Variants in CACNA2D1 observed in about 807,000 individuals in gnomAD.
The protein encoded by CACNA2D1 is voltage-dependent calcium channel subunit alpha-2/delta-1.
CACNA2D1 carries 53 observed loss-of-function variants against 171.5 expected under a neutral mutation model. The observed-to-expected ratio is 0.31, with a 90% CI of 0.25 to 0.39. The LOEUF (loss-of-function observed/expected upper bound fraction) is 0.39. CACNA2D1 is among the 10% of genes least tolerant of loss of function. CACNA2D1 has a pLI of 1.00. For missense variants in CACNA2D1, 903 were observed against 1,299.8 expected, an observed-to-expected ratio of 0.69 and a Z score of 4.69; for synonymous variants, 442 against 443.1, an observed-to-expected ratio of 1.00 and a Z score of 0.03.
intron 3 of CACNA2D1, among the ~76,000 whole-genome samples, chr7:82,206,692 T>C (rs1800032166): frequency 1.3e-5 from 2 of 152,226 alleles, no homozygotes; most frequent in South Asian, 2.1e-4. Context: ...TAGTAAAATA[T>C]AATAGCAGGA....
In CACNA2D1 at chr7:82,363,254, C is replaced by CTTTTTT. The variant is rs35419275; in HGVS notation, c.96-13611_96-13606dup. On this transcript the variant is annotated intron_variant, in intron 1 of 38. Transcript: ENST00000356860. ...CTACCATAGTTTTATTTATTTGTCT[C>CTTTTTT]TTTTTTTTTTTTTTTTTTTTTTTTT... 1.0e-3 allele frequency among the ~76,000 whole-genome samples: 65 copies of CTTTTTT among 63,436 alleles called. 7 individuals carry two copies. The highest frequency in any genetic ancestry group is 3.4e-3 in the African/African-American group (41 of 11,948). The allele number at this position is 63,436 out of a possible 152,430, so 41.6% of individuals were successfully genotyped here.
At chr7:82,189,758 A>T (rs1278655930) in intron 3 of CACNA2D1, among the ~76,000 whole-genome samples, 1 of 151,890 alleles carries the variant, frequency 6.6e-6, no homozygotes, top group African/African-American at 2.4e-5. Context: ...GGACAAAAAA[A>T]TTTGTGTAAG....
Position 82,366,874 on chromosome 7 carries a change from C to A in CACNA2D1, c.96-17225G>T, listed in dbSNP as rs1354952339. On this transcript the variant is annotated intron_variant, in intron 1 of 38. Transcript: ENST00000356860. ...ATGTATAAGTGGCCCCTTTCCTCCA[C>A]AGCCCTGCCAGCATCCACTGGTTTT... 2.1e-5 allele frequency among the ~76,000 whole-genome samples: 3 copies of A among 145,842 alleles called. No individual in the cohort carries two copies. The Admixed American group carries it at 2.1e-4, about 10-fold the overall frequency.
At chr7:82,047,724 T>A (rs1804715140) in intron 10 of CACNA2D1, among the ~76,000 whole-genome samples, 1 of 151,810 alleles carries the variant, frequency 6.6e-6, no homozygotes, top group South Asian at 2.1e-4. Flanking sequence ...CTCTCTATAC[T>A]CAAAGAAGCG....
intron 3 of CACNA2D1, among the ~76,000 whole-genome samples, chr7:82,172,841 A>AG (rs1310896820): frequency 7.2e-6 from 1 of 139,582 alleles, no homozygotes; most frequent in Non-Finnish European, 1.5e-5. Context: ...GTATGGGCAA[A>AG]AAAAAAATTC....
intron 3 of CACNA2D1, among the ~76,000 whole-genome samples, chr7:82,298,586 T>C (rs1005930353): frequency 8.6e-5 from 13 of 151,980 alleles, no homozygotes; most frequent in Non-Finnish European, 1.9e-4. Context: ...CTTTTTTTTT[T>C]TTTTAAGAGA....
intron 1 of CACNA2D1, among the ~76,000 whole-genome samples, chr7:82,433,798 G>A (rs1006415034): frequency 5.9e-5 from 9 of 152,212 alleles, no homozygotes; most frequent in African/African-American, 2.2e-4. Flanking sequence ...CCCTATCCAG[G>A]GTAATAGCAA....
chr7:82,301,990 C>T (rs1813067847), intron 3 of CACNA2D1, among the ~76,000 whole-genome samples: 1 of 151,950 alleles, frequency 6.6e-6, no homozygotes, highest in Admixed American at 6.6e-5. Flanking sequence ...GAACTCCTGA[C>T]CTCAGGTAAT....
At chr7:82,375,342 T>C (rs1385753814) in intron 1 of CACNA2D1, among the ~76,000 whole-genome samples, 1 of 152,190 alleles carries the variant, frequency 6.6e-6, no homozygotes. Context: ...TCATGGCTTA[T>C]TCCTGGGCTT....
intron 3 of CACNA2D1, among the ~76,000 whole-genome samples, chr7:82,207,160 T>G (rs1442497909): frequency 6.6e-6 from 1 of 152,138 alleles, no homozygotes; most frequent in Non-Finnish European, 1.5e-5. Flanking sequence ...CCCTCACATA[T>G]TTTCAAAAAC....
At position 81,994,903 on chromosome 7, in the gene CACNA2D1, T is replaced by C; in HGVS notation, c.1699A>G (p.Lys567Glu). 1 of 1,542,646 alleles carries C rather than the reference T, an allele frequency of 6.5e-7. No individual in the cohort carries two copies. Among genetic ancestry groups the C allele is most frequent in the Non-Finnish European group, 9.0e-7 (1 of 1,115,226 alleles). ...GATTTAACCAGAGTTCTGAATGTTT[T>C]TTCTCCACTTTCCCCATCAATCATC... ...NKMIDGESGE[K>E]TFRTLVKSQD... The change falls in exon 20 of 39, where the codon AAA (lysine) becomes GAA (glutamate). Residue 567 changes from lysine to glutamate, a missense_variant. Lys to Glu is a moderately conservative substitution (Grantham distance 56). Around this residue, in one of 5 missense-constraint regions of CACNA2D1, gnomAD observed 623 missense variants for 925.5 expected, o/e 0.67. Transcript: ENST00000356860.
intron 7 of CACNA2D1, among the ~76,000 whole-genome samples, chr7:82,078,307 G>A (rs530351946): frequency 1.3e-5 from 2 of 152,150 alleles, no homozygotes; most frequent in Admixed American, 1.3e-4. Context: ...AAAAGAGTAA[G>A]TGCTGGCTAC....
chr7:82,141,151 T>C (rs1792337475), intron 4 of CACNA2D1, among the ~76,000 whole-genome samples: 1 of 152,086 alleles, frequency 6.6e-6, no homozygotes, highest in Non-Finnish European at 1.5e-5. Flanking sequence ...TATTAAGATA[T>C]GTCCAGCTAT....
At chr7:82,172,554 G>A (rs1162101332) in intron 3 of CACNA2D1, among the ~76,000 whole-genome samples, 3 of 149,104 alleles carry the variant, frequency 2.0e-5, no homozygotes, top group Middle Eastern at 3.4e-3. Context: ...CTGGGCTCAA[G>A]TGATCCTCCC....
chr7:81,986,757 A>G (rs914200774), intron 21 of CACNA2D1, among the ~76,000 whole-genome samples: 1 of 152,168 alleles, frequency 6.6e-6, no homozygotes, highest in Non-Finnish European at 1.5e-5. Flanking sequence ...TATTCATTTT[A>G]TAGGTAACTT....
chr7:82,137,402 G>C (rs547395561), intron 4 of CACNA2D1, among the ~76,000 whole-genome samples: 1 of 152,120 alleles, frequency 6.6e-6, no homozygotes, highest in Admixed American at 6.5e-5. Flanking sequence ...CCTATTCTTT[G>C]TGTCTCTGAG....
At chr7:82,141,137 T>C (rs1252045183) in intron 4 of CACNA2D1, among the ~76,000 whole-genome samples, 1 of 152,056 alleles carries the variant, frequency 6.6e-6, no homozygotes, top group East Asian at 1.9e-4. Flanking sequence ...TATTTAGAAA[T>C]ATATATTAAG....
At chr7:82,052,885 T>C (rs1330749114) in intron 10 of CACNA2D1, among the ~76,000 whole-genome samples, 1 of 152,192 alleles carries the variant, frequency 6.6e-6, no homozygotes, top group Non-Finnish European at 1.5e-5. Context: ...TTAAGAATAG[T>C]AGTATTATCA....
intron 1 of CACNA2D1, among the ~76,000 whole-genome samples, chr7:82,411,119 A>G (rs1431657864): frequency 6.6e-6 from 1 of 152,184 alleles, no homozygotes; most frequent in Non-Finnish European, 1.5e-5. Flanking sequence ...ACTAGCCTAG[A>G]GAAAGTGAAA....
Sources: gnomAD v4.1 joint callset for allele counts (sites outside exome capture counted in the v4.1 genomes callset) on GRCh38, gnomAD v4.1.1 for gene constraint, gnomAD v4.1.1 regional missense constraint, MANE v1.5 for transcripts, NCBI Gene and HGNC (gene_info 2026-07-23, HGNC 2026-07-21) for gene names.